FOXP1: variants seen among roughly 807,000 people sequenced by gnomAD.
FOXP1 encodes forkhead box protein P1.
Under a neutral mutation model 98.2 loss-of-function variants are expected in FOXP1, and 15 were observed. That is an observed-to-expected ratio of 0.15 (90% CI 0.10 to 0.24). FOXP1 has a LOEUF of 0.24. Ranked by LOEUF, FOXP1 falls within the 10% of genes least tolerant of loss-of-function variation. The pLI, the probability that FOXP1 is intolerant of heterozygous loss-of-function variation, is 1.00. For missense variants in FOXP1, 633 were observed against 848.5 expected (o/e 0.75, Z 3.15); for synonymous variants, 371 against 314.5 (o/e 1.18, Z -1.90).
chr3:71,229,596 AG>A (rs1315833889), intron 5 of FOXP1, among the ~76,000 whole-genome samples: 1 of 152,178 alleles, frequency 6.6e-6, no homozygotes, highest in African/African-American at 2.4e-5. Context: ...AGGGAAAAAA[AG>A]GGTTCTCAAA....
Position 70,958,033 on chromosome 3 carries a change from G to A in FOXP1, c.*1214C>T, listed in dbSNP as rs1368788691. ...TTGCAAACAAAACCAACCCACACCC[G>A]TTATCGCAGAGCACCCAAGGCCCAT... On this transcript the variant is annotated 3_prime_UTR_variant, in exon 21 of 21. Coordinates refer to ENST00000649528, the MANE Select transcript of FOXP1 (RefSeq NM_001349338.3). The A allele has an allele frequency of 5.6e-5, 14 of 248,336 alleles. No individual in the cohort carries two copies. Among genetic ancestry groups the A allele is most frequent in the Admixed American group, 2.1e-4 (4 of 18,926 alleles). The allele number at this position is 248,336 out of a possible 1,614,324, so 15.4% of individuals were successfully genotyped here.
intron 6 of FOXP1, among the ~76,000 whole-genome samples, chr3:71,120,843 C>G (rs1422766804): frequency 2.0e-5 from 3 of 152,134 alleles, no homozygotes; most frequent in Non-Finnish European, 4.4e-5. Context: ...ATTTTATATT[C>G]TTTAAGCTAC....
chr3:71,051,490 C>G (rs2049886970), intron 9 of FOXP1, among the ~76,000 whole-genome samples: 2 of 152,176 alleles, frequency 1.3e-5, no homozygotes, highest in Admixed American at 6.5e-5. Context: ...CCAGCATCCT[C>G]ACTTAGGTGA....
chr3:71,169,195 A>C (rs1381091650), intron 6 of FOXP1, among the ~76,000 whole-genome samples: 1 of 152,196 alleles, frequency 6.6e-6, no homozygotes, highest in Non-Finnish European at 1.5e-5. Flanking sequence ...TCTCCATCAC[A>C]GTGGACGCCT....
chr3:71,288,984 A>G (rs2072465539), intron 5 of FOXP1, among the ~76,000 whole-genome samples: 1 of 152,134 alleles, frequency 6.6e-6, no homozygotes. Context: ...TTTTTTGACC[A>G]CTTGGCAGAA....
intron 20 of FOXP1, among the ~76,000 whole-genome samples, chr3:70,961,934 A>T (rs35740307): frequency 0.022 from 3,290 of 152,218 alleles, 130 homozygotes; most frequent in African/African-American, 0.074. Flanking sequence ...AATCAAGTGC[A>T]GTGTCCTTTT....
chr3:71,582,720 T>C, intron 1 of FOXP1: 1 of 985,196 alleles, frequency 1.0e-6, no homozygotes, highest in East Asian at 1.1e-4. Flanking sequence ...GCCACGGCTG[T>C]TGCGGACTCG....
Position 71,277,506 on chromosome 3 carries a change from G to A in FOXP1, c.-12+22314C>T, listed in dbSNP as rs1158499609. Among the ~76,000 whole-genome samples the A allele has an allele frequency of 2.0e-5, 3 of 151,732 alleles. No individual in the cohort carries two copies. The East Asian group carries it at 5.8e-4, about 29-fold the overall frequency. On this transcript the variant is annotated intron_variant, in intron 5 of 20. Coordinates refer to ENST00000649528, the MANE Select transcript of FOXP1 (RefSeq NM_001349338.3). Reference sequence around the variant, plus strand: ...TCCTGTTCCTTGCCTGTCCACTATCGACACCACAGTCCAAATGACAGCATG... The same window carrying A: ...TCCTGTTCCTTGCCTGTCCACTATCAACACCACAGTCCAAATGACAGCATG...
intron 7 of FOXP1, among the ~76,000 whole-genome samples, chr3:71,094,264 C>CT (rs965763204): frequency 1.9e-3 from 285 of 149,600 alleles, no homozygotes; most frequent in African/African-American, 6.8e-3. Context: ...ATATAATTCC[C>CT]TTTTTTTTCT....
At chr3:71,007,790 G>GA (rs2042993934) in intron 12 of FOXP1, among the ~76,000 whole-genome samples, 5 of 152,096 alleles carry the variant, frequency 3.3e-5, no homozygotes, top group South Asian at 4.1e-4. Flanking sequence ...AAAATTCACA[G>GA]AAAAAAATTT....
intron 6 of FOXP1, among the ~76,000 whole-genome samples, chr3:71,146,924 G>A (rs1225291555): frequency 6.6e-6 from 1 of 152,328 alleles, no homozygotes; most frequent in East Asian, 1.9e-4. Flanking sequence ...TCCATCACCA[G>A]CGAGCGCTGC....
intron 7 of FOXP1, among the ~76,000 whole-genome samples, chr3:71,055,776 A>G (rs993279782): frequency 1.3e-5 from 2 of 152,216 alleles, no homozygotes. Flanking sequence ...TTGCATCATC[A>G]TACGGGGAGG....
chr3:71,299,705 C>T (rs2073683249), intron 5 of FOXP1, 115 bp downstream of exon 5: 1 of 152,508 alleles, frequency 6.6e-6, no homozygotes, highest in Non-Finnish European at 1.5e-5. Context: ...TCCTTACACG[C>T]AAATAAATAC....
intron 3 of FOXP1, among the ~76,000 whole-genome samples, chr3:71,447,784 G>T (rs1229143565): frequency 6.6e-6 from 1 of 152,160 alleles, no homozygotes; most frequent in African/African-American, 2.4e-5. Flanking sequence ...ATGGGGCAGG[G>T]GGAGAGGGGT....
intron 2 of FOXP1, among the ~76,000 whole-genome samples, chr3:71,521,024 A>G (rs1400997796): frequency 2.0e-5 from 3 of 152,198 alleles, no homozygotes; most frequent in Non-Finnish European, 4.4e-5. Context: ...CCAGGTGCCA[A>G]GACCATGGAC....
chr3:71,040,115 CTCTGTGTGTGTGTGTGTA>C (rs1398666162), intron 11 of FOXP1, among the ~76,000 whole-genome samples: 2 of 150,286 alleles, frequency 1.3e-5, no homozygotes, highest in Non-Finnish European at 3.0e-5. Context: ...ATGTATGTAT[CTCTGTGTGTGTGTGTGTA>C]TCTGTGTGTG....
At chr3:71,289,510 T>G (rs2072529091) in intron 5 of FOXP1, 1 of 151,478 alleles carries the variant, frequency 6.6e-6, no homozygotes, top group African/African-American at 2.4e-5. Flanking sequence ...TGAGCCCCCA[T>G]GCTCAGCTTT....
intron 3 of FOXP1, among the ~76,000 whole-genome samples, chr3:71,399,086 A>G (rs1473581945): frequency 1.3e-5 from 2 of 152,228 alleles, no homozygotes; most frequent in Non-Finnish European, 2.9e-5. Flanking sequence ...TTATTTTTCA[A>G]CTGTTCGTAG....
chr3:70,988,600 G>A (rs1039571145), intron 13 of FOXP1, among the ~76,000 whole-genome samples: 2 of 152,212 alleles, frequency 1.3e-5, no homozygotes, highest in African/African-American at 4.8e-5. Context: ...ATTTTCAAAC[G>A]AGTGTAGAAC....
Sources: allele counts gnomAD v4.1 joint callset (sites outside exome capture counted in the v4.1 genomes callset), GRCh38; gene constraint gnomAD v4.1.1; transcripts MANE v1.5; gene names NCBI Gene and HGNC (gene_info 2026-07-23, HGNC 2026-07-21).